Variants in CDH18 observed in about 807,000 individuals in gnomAD.
The protein encoded by CDH18 is cadherin 18.
A neutral mutation model predicts 67.9 loss-of-function variants in CDH18; 31 were observed. The observed-to-expected ratio is 0.46, with a 90% CI of 0.34 to 0.62. The LOEUF (loss-of-function observed/expected upper bound fraction) is 0.62. Among genes scored for constraint, CDH18 ranks in the 20% least tolerant of loss-of-function variants. CDH18 has a pLI of 0.01. For synonymous variants in CDH18, 362 were observed against 347.2 expected (o/e 1.04, Z -0.48); for missense variants, 890 against 975.5 (o/e 0.91, Z 1.17).
At chr5:20,261,640 A>G (rs947774129) in intron 1 of CDH18, among the ~76,000 whole-genome samples, 38 of 152,116 alleles carry the variant, frequency 2.5e-4, no homozygotes, top group Admixed American at 2.0e-3. Context: ...ACTTGGGAGG[A>G]GAATGGCGTG....
chr5:19,475,793 A>G (rs1424771524), intron 12 of CDH18, among the ~76,000 whole-genome samples: 2 of 152,062 alleles, frequency 1.3e-5, no homozygotes, highest in Non-Finnish European at 2.9e-5. Flanking sequence ...AACCTTGATT[A>G]TAAGTGAACT....
intron 3 of CDH18, among the ~76,000 whole-genome samples, chr5:19,838,073 G>T (rs550330608): frequency 6.6e-6 from 1 of 152,116 alleles, no homozygotes; most frequent in South Asian, 2.1e-4. Flanking sequence ...GAGAGAAAGG[G>T]AACTTGACCT....
intron 1 of CDH18, among the ~76,000 whole-genome samples, chr5:20,335,276 C>A (rs1304320667): frequency 6.6e-6 from 1 of 152,110 alleles, no homozygotes; most frequent in Non-Finnish European, 1.5e-5. Flanking sequence ...GCATTTGTTT[C>A]TTTTACCAGT....
chr5:20,355,807 C>A (rs75737807), intron 1 of CDH18, among the ~76,000 whole-genome samples: 3,271 of 152,138 alleles, frequency 0.022, 83 homozygotes, highest in African/African-American at 0.056. Context: ...CAACTCATGG[C>A]GAATTTATCA....
chr5:20,305,552 G>C, intron 1 of CDH18: 3 of 714,870 alleles, frequency 4.2e-6, no homozygotes, highest in Non-Finnish European at 7.4e-6. Flanking sequence ...GGTGGTCGCG[G>C]GGCTGAGGGC....
chr5:20,345,090 C>T (rs1376785874), intron 1 of CDH18, among the ~76,000 whole-genome samples: 3 of 152,098 alleles, frequency 2.0e-5, no homozygotes, highest in Non-Finnish European at 4.4e-5. Flanking sequence ...TTCCTCTCAC[C>T]ACTCATCAGT....
intron 1 of CDH18, among the ~76,000 whole-genome samples, chr5:20,519,562 T>C (rs971423519): frequency 5.9e-5 from 9 of 152,066 alleles, no homozygotes; most frequent in East Asian, 3.9e-4. Flanking sequence ...ATGGCACATG[T>C]ATACATATGT....
chr5:20,163,396 T>C (rs1210068172), intron 2 of CDH18, among the ~76,000 whole-genome samples: 1 of 152,210 alleles, frequency 6.6e-6, no homozygotes, highest in Non-Finnish European at 1.5e-5. Context: ...ATTTTCATGT[T>C]TTATGTCTCT....
chr5:20,239,106 C>G (rs976029917), intron 2 of CDH18, among the ~76,000 whole-genome samples: 1 of 152,084 alleles, frequency 6.6e-6, no homozygotes, highest in Non-Finnish European at 1.5e-5. Flanking sequence ...AATAATGATG[C>G]TTAACACAAG....
chr5:20,554,020 C>G (rs916639190), intron 1 of CDH18, among the ~76,000 whole-genome samples: 1 of 152,182 alleles, frequency 6.6e-6, no homozygotes, highest in Non-Finnish European at 1.5e-5. Context: ...CATTAGGACT[C>G]TATAAATTTT....
chr5:19,749,044 A>G (rs950808543), intron 3 of CDH18, among the ~76,000 whole-genome samples: 2 of 152,150 alleles, frequency 1.3e-5, no homozygotes, highest in African/African-American at 4.8e-5. Context: ...ATTGGGTGAT[A>G]CAATTGTATG....
chr5:20,349,617 A>G lies in CDH18; in HGVS notation c.-579-94112T>C, dbSNP rs190475482. 1.2e-4 allele frequency among the ~76,000 whole-genome samples: 19 copies of G among 152,280 alleles called. No individual in the cohort carries two copies. In the East Asian group the frequency reaches 3.5e-3, roughly 28 times the overall value. Reference sequence around the variant, plus strand: ...AAAGACATGAAAAGGATATAATATCAGTATATCAAGCACAGGGAATACACA... The same window carrying G: ...AAAGACATGAAAAGGATATAATATCGGTATATCAAGCACAGGGAATACACA... On this transcript the variant is annotated intron_variant, in intron 1 of 14. Coordinates refer to the CDH18 transcript ENST00000507958.
chr5:20,250,589 CTTTTTTTTTTT>C (rs70954644), intron 2 of CDH18, among the ~76,000 whole-genome samples: 23 of 33,544 alleles, frequency 6.9e-4, no homozygotes, highest in South Asian at 3.0e-3. Flanking sequence ...CGGCCCATGG[CTTTTTTTTTTT>C]TTTTTTTTTT....
At chr5:19,805,415 C>A (rs1777939273) in intron 3 of CDH18, among the ~76,000 whole-genome samples, 1 of 152,020 alleles carries the variant, frequency 6.6e-6, no homozygotes. Flanking sequence ...TTTCTCTTTC[C>A]CCTTTGAAGT....
chr5:20,512,694 G>A (rs530980469), intron 1 of CDH18, among the ~76,000 whole-genome samples: 6 of 152,088 alleles, frequency 3.9e-5, no homozygotes, highest in African/African-American at 1.4e-4. Context: ...GACCAGCCTG[G>A]CCAATATAGT....
At position 19,760,920 on chromosome 5, in the gene CDH18, G is replaced by A. The variant is rs183532706; in HGVS notation, c.229-13684C>T. Among the ~76,000 whole-genome samples the A allele has an allele frequency of 3.5e-3, 538 of 152,282 alleles. 1 individual carries two copies. Among genetic ancestry groups the A allele is most frequent in the Non-Finnish European group, 5.8e-3 (394 of 68,028 alleles). Reference sequence around the variant, plus strand: ...AGGTAGAAAGGCTGACAGCAGCATGGGTTGGGGAGTGGATGTCGCCACTAC... The same window carrying A: ...AGGTAGAAAGGCTGACAGCAGCATGAGTTGGGGAGTGGATGTCGCCACTAC... On this transcript the variant is annotated intron_variant, in intron 3 of 12. Transcript: ENST00000382275.
intron 8 of CDH18, among the ~76,000 whole-genome samples, chr5:19,561,793 A>T (rs1739503507): frequency 6.6e-6 from 1 of 152,136 alleles, no homozygotes; most frequent in African/African-American, 2.4e-5. Context: ...TCAGCCTTCA[A>T]AGTCTAAAGA....
In CDH18 at chr5:19,471,753, A is replaced by G. The variant is rs1466866697; in HGVS notation, c.*1473T>C. On this transcript the variant is annotated 3_prime_UTR_variant, in exon 13 of 13. Coordinates refer to ENST00000382275, the MANE Select transcript of CDH18 (RefSeq NM_004934.5). ...TATTAAAATAATTGGAATTGTGTAC[A>G]TATATTTAAACAGTAGCTTCACTGT... Among the ~76,000 whole-genome samples, 1 of 152,192 alleles carries G rather than the reference A, an allele frequency of 6.6e-6. No individual in the cohort carries two copies. The highest frequency in any genetic ancestry group is 1.5e-5 in the Non-Finnish European group (1 of 68,026).
At chr5:20,443,504 T>G (rs1302169944) in intron 1 of CDH18, among the ~76,000 whole-genome samples, 1 of 151,828 alleles carries the variant, frequency 6.6e-6, no homozygotes, top group Non-Finnish European at 1.5e-5. Flanking sequence ...TTAATTTGTT[T>G]TGATGGTTCC....
Sources: allele counts gnomAD v4.1 joint callset (sites outside exome capture counted in the v4.1 genomes callset), GRCh38; gene constraint gnomAD v4.1.1; transcripts MANE v1.5; gene names NCBI Gene and HGNC (gene_info 2026-07-23, HGNC 2026-07-21).